VASP: variants seen among roughly 807,000 people sequenced by gnomAD.
The protein encoded by VASP is vasodilator stimulated phosphoprotein, also known as vasodilator-stimulated phosphoprotein.
VASP carries 27 observed loss-of-function variants against 54.4 expected under a neutral mutation model. The observed-to-expected ratio is 0.50, with a 90% CI of 0.37 to 0.68. The LOEUF (loss-of-function observed/expected upper bound fraction) is 0.68. VASP is among the 30% of genes least tolerant of loss of function. The probability of loss-of-function intolerance (pLI) is 0.00; values close to 1 mark genes in which losing one functional copy is unlikely to be tolerated. For missense variants in VASP, 488 were observed against 528.3 expected, an observed-to-expected ratio of 0.92 and a Z score of 0.75; for synonymous variants, 233 against 209.8, an observed-to-expected ratio of 1.11 and a Z score of -0.96.
chr19:45,524,364 C>T lies in VASP; in HGVS notation c.957-206C>T, dbSNP rs193001930. 418 of 662,962 alleles carry T rather than the reference C, an allele frequency of 6.3e-4. 1 individual carries two copies. In the African/African-American group the frequency reaches 6.5e-3, roughly 10 times the overall value. The allele number at this position is 662,962 out of a possible 1,614,324, so 41.1% of individuals were successfully genotyped here. A position where few individuals can be genotyped will look rare whatever the true frequency, so the allele number is the denominator to read the frequency against. On this transcript the variant is annotated intron_variant, in intron 10 of 12. Coordinates refer to ENST00000245932, the MANE Select transcript of VASP (RefSeq NM_003370.4). The stretch of plus-strand genomic sequence containing the variant: ...CCTCAGCGAGCCATCATCATGCCTG[C>T]ACTCCAGCCTGAGAAATAGAATGTG...
chr19:45,521,781 C>T (rs190367198), intron 4 of VASP, among the ~76,000 whole-genome samples: 87 of 151,684 alleles, frequency 5.7e-4, no homozygotes, highest in African/African-American at 1.9e-3. Context: ...AATCCCAGCT[C>T]GGCAGGCCGA....
chr19:45,524,262 C>T (rs1599942156), intron 10 of VASP, 120 bp downstream of exon 10: 12 of 1,155,772 alleles, frequency 1.0e-5, no homozygotes, highest in Non-Finnish European at 1.4e-5. Flanking sequence ...ATTAGCCAGG[C>T]GTGGTAGCAC....
chr19:45,518,798 G>A (rs1968763187), intron 3 of VASP, among the ~76,000 whole-genome samples: 1 of 152,016 alleles, frequency 6.6e-6, no homozygotes, highest in South Asian at 2.1e-4. Flanking sequence ...CTAAGTAGCT[G>A]GGAATACAGG....
rs1482047689 is a variant in VASP at position 45,508,355 on chromosome 19, G to T, written c.5+579G>T. Among the ~76,000 whole-genome samples the T allele has an allele frequency of 2.0e-5, 3 of 152,298 alleles. No homozygotes were observed. In the East Asian group the frequency reaches 5.8e-4, roughly 29 times the overall value. The stretch of plus-strand genomic sequence containing the variant: ...TTAGGTCTTCCTGTGGAGGAGGCTG[G>T]TGTGAACCGATCCAGGGACCTGGAC... On this transcript the variant is annotated intron_variant, in intron 1 of 12. Transcript: ENST00000245932.
chr19:45,523,878 G>C lies in VASP; in HGVS notation c.910+1G>C. 3 of 1,613,766 alleles carry C rather than the reference G, an allele frequency of 1.9e-6. No individual in the cohort carries two copies. The highest frequency in any genetic ancestry group is 2.5e-6 in the Non-Finnish European group (3 of 1,179,970). On this transcript the variant is annotated splice_donor_variant, in intron 9 of 12. Transcript: ENST00000245932. LOFTEE classifies it high-confidence loss of function. Reference sequence around the variant, plus strand: ...GAGGCCAGAGTCCCGGCCCAGAGTGGTGAGTAGAGTGCCCAGTCCAGCCAC... The same window carrying C: ...GAGGCCAGAGTCCCGGCCCAGAGTGCTGAGTAGAGTGCCCAGTCCAGCCAC...
In VASP at chr19:45,522,435, G is replaced by A. The variant is rs1351649838; in HGVS notation, c.574G>A (p.Gly192Arg). The A allele has an allele frequency of 5.3e-6, 8 of 1,520,898 alleles. No individual in the cohort carries two copies. The highest frequency in any genetic ancestry group is 2.3e-4 in the Middle Eastern group (1 of 4,284). The allele number at this position is 1,520,898 out of a possible 1,614,324, so 94.2% of individuals were successfully genotyped here. The change falls in exon 6 of 13, where the codon GGG (glycine) becomes AGG (arginine). Residue 192 changes from glycine (G) to arginine (R), a missense_variant. Coordinates refer to ENST00000245932, the MANE Select transcript of VASP (RefSeq NM_003370.4). ...PPPPPGLPPS[G>R]VPAAAHGAGG... is the part of the protein sequence containing the mutation. ...CCCACCCCCAGGTTTGCCCCCTTCGGGGGTCCCAGCTGCAGCGCACGGAGC... is the reference window on the plus strand; with the variant it reads ...CCCACCCCCAGGTTTGCCCCCTTCGAGGGTCCCAGCTGCAGCGCACGGAGC...
intron 4 of VASP, 33 bp from the exon 5 acceptor site, chr19:45,522,135 G>C (rs368678744): frequency 6.2e-7 from 1 of 1,612,656 alleles, no homozygotes; most frequent in Non-Finnish European, 8.5e-7. Context: ...TTAGGGCCCT[G>C]ATTGACGGCA....
chr19:45,511,651 C>T (rs1968602033), intron 1 of VASP, among the ~76,000 whole-genome samples: 1 of 152,304 alleles, frequency 6.6e-6, no homozygotes, highest in East Asian at 1.9e-4. Flanking sequence ...AGCCCCCGCA[C>T]CCCCGTTTTA....
chr19:45,522,451 C>A lies in VASP; in HGVS notation c.590C>A (p.Ala197Glu). Residue 197 changes from alanine (A) to glutamate (E), a missense_variant, in exon 6 of 13, where the codon GCG becomes GAG. Transcript: ENST00000245932. The part of the protein sequence containing the change: ...GLPPSGVPAA[A>E]HGAGGGPPPA... ...CCCCCTTCGGGGGTCCCAGCTGCAG[C>A]GCACGGAGCAGGGGGAGGACCACCC... The A allele has an allele frequency of 6.6e-7, 1 of 1,509,190 alleles. No individual in the cohort carries two copies. The allele number at this position is 1,509,190 out of a possible 1,614,324, so 93.5% of individuals were successfully genotyped here. A position where few individuals can be genotyped will look rare whatever the true frequency, so the allele number is the denominator to read the frequency against.
intron 10 of VASP, 184 bp downstream of exon 10, chr19:45,524,326 C>G: frequency 1.3e-6 from 1 of 757,806 alleles, no homozygotes; most frequent in South Asian, 1.6e-5. Context: ...TACTTGAGCC[C>G]AGGAAGTTGA....
Position 45,507,504 on chromosome 19 carries a change from C to T in VASP, c.-268C>T, listed in dbSNP as rs1192100718. The T allele has an allele frequency of 4.0e-6, 2 of 501,040 alleles. No homozygotes were observed. The highest frequency in any genetic ancestry group is 7.0e-6 in the Non-Finnish European group (2 of 283,786). The allele number at this position is 501,040 out of a possible 1,614,324, so 31.0% of individuals were successfully genotyped here. A position where few individuals can be genotyped will look rare whatever the true frequency, so the allele number is the denominator to read the frequency against. On this transcript the variant is annotated 5_prime_UTR_variant, in exon 1 of 13. Transcript: ENST00000245932. This position sits in a 1 kb window ranked among gnomAD's most constrained non-coding sequence, Gnocchi z 4.4. ...ACAGTAGTAAGAGTAACACTGTAGC[C>T]GCCACCGGCAAGGGGTGCGCGCTGG...
At chr19:45,525,773 G>A (rs777862063) in intron 11 of VASP, 173 bp from the exon 12 acceptor site, 47 of 595,620 alleles carry the variant, frequency 7.9e-5, no homozygotes, top group Non-Finnish European at 1.8e-5. Flanking sequence ...GGAGGCTAAG[G>A]CAGGAGGATT....
In VASP at chr19:45,518,063, C is replaced by A; in HGVS notation, c.312C>A (p.Ala104=). Reference sequence around the variant, plus strand: ...AGGAGGATGCGGCCCAGTTTGCCGCCGGCATGGCCAGTGCCCTAGAGGCGT... The same window carrying A: ...AGGAGGATGCGGCCCAGTTTGCCGCAGGCATGGCCAGTGCCCTAGAGGCGT... ...GSKEDAAQFA[A]GMASALEALE... is the part of the protein sequence containing the mutation. Residue 104 remains alanine (A), a synonymous_variant, in exon 3 of 13, where the codon GCC becomes GCA. Transcript: ENST00000245932. 6.2e-7 allele frequency: 1 copy of A among 1,613,758 alleles called. No individual in the cohort carries two copies. The highest frequency in any genetic ancestry group is 8.5e-7 in the Non-Finnish European group (1 of 1,179,990).
In VASP at chr19:45,526,429, G is replaced by A; in HGVS notation, c.*252G>A. On this transcript the variant is annotated 3_prime_UTR_variant, in exon 13 of 13. Transcript: ENST00000245932. ...TCCCCTCTGCCATCCCCTTGGGGCCGGTCCCTCTGCTGGGGATGCACCAAT... is the reference window on the plus strand; with the variant it reads ...TCCCCTCTGCCATCCCCTTGGGGCCAGTCCCTCTGCTGGGGATGCACCAAT... The A allele has an allele frequency of 4.4e-6, 2 of 454,654 alleles. No individual in the cohort carries two copies. Among genetic ancestry groups the A allele is most frequent in the Admixed American group, 8.3e-5 (2 of 24,228 alleles). 28.2% of individuals were successfully genotyped at this position (454,654 alleles called of 1,614,324 possible).
chr19:45,525,563 G>C (rs1051927805), intron 11 of VASP, among the ~76,000 whole-genome samples: 1 of 152,172 alleles, frequency 6.6e-6, no homozygotes, highest in Non-Finnish European at 1.5e-5. Context: ...GCTGGGCCTT[G>C]TGGGGGGCAC....
At chr19:45,523,190 A>ATT (rs61288703) in intron 7 of VASP, among the ~76,000 whole-genome samples, 1,248 of 74,652 alleles carry the variant, frequency 0.017, 226 homozygotes, top group African/African-American at 0.043. Context: ...AATCTCTTGA[A>ATT]TTTTTTTTTT....
At chr19:45,525,650 A>G (rs1355136524) in intron 11 of VASP, 1 of 228,954 alleles carries the variant, frequency 4.4e-6, no homozygotes, top group African/African-American at 2.3e-5. Context: ...GTCAGCCGAG[A>G]TTGGGCCACT....
chr19:45,523,097 C>T (rs1968877868), intron 7 of VASP, among the ~76,000 whole-genome samples: 1 of 151,128 alleles, frequency 6.6e-6, no homozygotes, highest in South Asian at 2.1e-4. Context: ...AGTGTTCCAA[C>T]ACAGCACCGC....
In VASP at chr19:45,522,221, A is replaced by G; in HGVS notation, c.478+4A>G. 1.2e-6 allele frequency: 2 copies of G among 1,614,194 alleles called. No homozygotes were observed. The highest frequency in any genetic ancestry group is 1.7e-5 in the Admixed American group (1 of 60,032). On this transcript the variant is annotated splice_donor_region_variant and intron_variant, in intron 5 of 12. Coordinates refer to ENST00000245932, the MANE Select transcript of VASP (RefSeq NM_003370.4). ...GAGCGCCGGGTCTCCAATGCAGGTG[A>G]TGCTCAGATAGCTTCGGGAGTTGGG...
Sources: gnomAD v4.1 joint callset for allele counts (sites outside exome capture counted in the v4.1 genomes callset) on GRCh38, gnomAD v4.1.1 for gene constraint, Gnocchi (gnomAD v3.1) non-coding constraint, MANE v1.5 for transcripts, NCBI Gene and HGNC (gene_info 2026-07-23, HGNC 2026-07-21) for gene names.